The following FOXD1 variants were observed in gnomAD, a reference collection of about 807,000 sequenced individuals.
The protein encoded by FOXD1 is forkhead box protein D1.
A neutral mutation model predicts 2.0 loss-of-function variants in FOXD1; 4 were observed. The ratio of observed to expected loss-of-function variants is 2.03; its 90% CI spans 1.00 to 4.64. FOXD1 has a LOEUF of 4.64. FOXD1 is among the 30% of genes most tolerant of loss of function. FOXD1 has a pLI of 0.01. For synonymous variants in FOXD1, 354 were observed against 328.5 expected, an observed-to-expected ratio of 1.08 and a Z score of -0.84; for missense variants, 586 against 647.6, an observed-to-expected ratio of 0.90 and a Z score of 1.03.
rs1745533594 is a variant in FOXD1 at position 73,447,689 on chromosome 5, G to A, written c.674C>T (p.Pro225Leu). 2.5e-6 allele frequency: 4 copies of A among 1,603,090 alleles called. No homozygotes were observed. The South Asian group carries it at 3.3e-5, about 13-fold the overall frequency. Residue 225 changes from proline (P) to leucine (L), a missense_variant, in exon 1 of 1, where the codon CCG (proline) becomes CTG (leucine). By Grantham distance (98) the Pro-to-Leu change is moderately conservative (BLOSUM62 -3). Transcript: ENST00000615637. This position sits in a 1 kb window ranked among gnomAD's most constrained non-coding sequence, Gnocchi z 7.8. Reference sequence around the variant, plus strand: ...GGCCGCGGCGTTGGGTGGGAGCAGCGGCTGCCGCTTGAAGCGCTTCCTCCG... The same window carrying A: ...GGCCGCGGCGTTGGGTGGGAGCAGCAGCTGCCGCTTGAAGCGCTTCCTCCG... ...LRRRKRFKRQ[P>L]LLPPNAAAAE...
In FOXD1 at chr5:73,448,224, C is replaced by T; in HGVS notation, c.139G>A (p.Ala47Thr). 1 of 1,480,012 alleles carries T rather than the reference C, an allele frequency of 6.8e-7. No individual in the cohort carries two copies. The highest frequency in any genetic ancestry group is 2.9e-5 in the East Asian group (1 of 34,624). The allele number at this position is 1,480,012 out of a possible 1,614,324, so 91.7% of individuals were successfully genotyped here. A position where few individuals can be genotyped will look rare whatever the true frequency, so the allele number is the denominator to read the frequency against. ...DEGGGGGPRLAVPAQRRRRRR... is the reference protein window; with the variant it reads ...DEGGGGGPRLTVPAQRRRRRR... ...CGCCGCCGCCGCTGCGCGGGGACAG[C>T]CAGCCGGGGCCCGCCACCGCCGCCC... The change falls in exon 1 of 1, where the codon GCT becomes ACT. Residue 47 changes from alanine to threonine, a missense_variant. By Grantham distance (58) the Ala-to-Thr change is moderately conservative (BLOSUM62 0). Around this residue, in one of 4 missense-constraint regions of FOXD1, gnomAD observed 183 missense variants for 159.2 expected, o/e 1.15. Coordinates refer to ENST00000615637, the MANE Select transcript of FOXD1 (RefSeq NM_004472.3).
chr5:73,447,199 A>G lies in FOXD1; in HGVS notation c.1164T>C (p.Ala388=), dbSNP rs1347762372. The G allele has an allele frequency of 3.0e-6, 3 of 992,452 alleles. No homozygotes were observed. The highest frequency in any genetic ancestry group is 3.6e-6 in the Non-Finnish European group (3 of 838,736). The allele number at this position is 992,452 out of a possible 1,614,324, so 61.5% of individuals were successfully genotyped here. The part of the protein sequence containing the change: ...AAAAAQAAAA[A]QASPSPSPVA... Reference sequence around the variant, plus strand: ...CCGGCGAGGGCGAGGGCGAGGCCTGAGCGGCGGCGGCGGCCTGCGCGGCGG... The same window carrying G: ...CCGGCGAGGGCGAGGGCGAGGCCTGGGCGGCGGCGGCGGCCTGCGCGGCGG... The change falls in exon 1 of 1, where the codon GCT becomes GCC. Residue 388 remains alanine (A), a synonymous_variant. Coordinates refer to ENST00000615637, the MANE Select transcript of FOXD1 (RefSeq NM_004472.3). This position sits in a 1 kb window ranked among gnomAD's most constrained non-coding sequence, Gnocchi z 7.8.
Position 73,447,540 on chromosome 5 carries a change from C to G in FOXD1, c.823G>C (p.Gly275Arg), listed in dbSNP as rs1745528164. 9.6e-7 allele frequency: 1 copy of G among 1,036,492 alleles called. No homozygotes were observed. The highest frequency in any genetic ancestry group is 1.8e-5 in the African/African-American group (1 of 54,498). 64.2% of individuals were successfully genotyped at this position (1,036,492 alleles called of 1,614,324 possible). The part of the protein sequence containing the change: ...PPHAYGYGPY[G>R]CGYGLQLPPY... ...GGCAGCTGCAGGCCGTAGCCGCAGCCGTAGGGGCCGTAGCCGTAGGCATGC... is the reference window on the plus strand; with the variant it reads ...GGCAGCTGCAGGCCGTAGCCGCAGCGGTAGGGGCCGTAGCCGTAGGCATGC... The change falls in exon 1 of 1, where the codon GGC becomes CGC. Residue 275 changes from glycine to arginine, a missense_variant. By Grantham distance (125) the Gly-to-Arg change is moderately radical. This residue lies in a region of FOXD1 where 253 missense variants were observed against 234.4 expected (regional missense o/e 1.08). Transcript: ENST00000615637. This position sits in a 1 kb window ranked among gnomAD's most constrained non-coding sequence, Gnocchi z 7.8.
Position 73,448,056 on chromosome 5 carries a change from C to CG in FOXD1, c.306_307insC (p.Gly103ArgfsTer15). 6 of 1,223,220 alleles carry CG rather than the reference C, an allele frequency of 4.9e-6. No individual in the cohort carries two copies. In the South Asian group the frequency reaches 9.3e-5, roughly 19 times the overall value. The allele number at this position is 1,223,220 out of a possible 1,614,324, so 75.8% of individuals were successfully genotyped here. A position where few individuals can be genotyped will look rare whatever the true frequency, so the allele number is the denominator to read the frequency against. ...CCGCCCGCGCCGCCGCCGCCGCCGC[C>CG]CCCACCGGCTCCTGCCCCCGCCGCC... On this transcript the variant is annotated frameshift_variant, in exon 1 of 1. Transcript: ENST00000615637. LOFTEE classifies it low-confidence loss of function (END_TRUNC).
In FOXD1 at chr5:73,448,396, G is replaced by A; in HGVS notation, c.-34C>T. The A allele has an allele frequency of 8.5e-7, 1 of 1,171,334 alleles. No individual in the cohort carries two copies. Among genetic ancestry groups the A allele is most frequent in the Non-Finnish European group, 1.1e-6 (1 of 935,514 alleles). The allele number at this position is 1,171,334 out of a possible 1,614,324, so 72.6% of individuals were successfully genotyped here. A position where few individuals can be genotyped will look rare whatever the true frequency, so the allele number is the denominator to read the frequency against. ...CGCGGCGGCGGCGGGGCGGCGCATGGGGGCGCCGGGCTCCGGGCTCCCTCT... is the reference window on the plus strand; with the variant it reads ...CGCGGCGGCGGCGGGGCGGCGCATGAGGGCGCCGGGCTCCGGGCTCCCTCT... On this transcript the variant is annotated 5_prime_UTR_variant, in exon 1 of 1. Coordinates refer to ENST00000615637, the MANE Select transcript of FOXD1 (RefSeq NM_004472.3).
rs1211390820 is a variant in FOXD1 at position 73,447,132 on chromosome 5, C to G, written c.1231G>C (p.Ala411Pro). 2.5e-6 allele frequency: 3 copies of G among 1,201,986 alleles called. No homozygotes were observed. In the East Asian group the frequency reaches 1.1e-4, roughly 46 times the overall value. 74.5% of individuals were successfully genotyped at this position (1,201,986 alleles called of 1,614,324 possible). ...GCCGGGCCCACGGCCGCCTGCGCCGCGCAGCCTCCTCCGCTGGATCCGGGA... is the reference window on the plus strand; with the variant it reads ...GCCGGGCCCACGGCCGCCTGCGCCGGGCAGCCTCCTCCGCTGGATCCGGGA... ...PAPGSSGGGCAAQAAVGPAAA... is the reference protein window; with the variant it reads ...PAPGSSGGGCPAQAAVGPAAA... Residue 411 changes from alanine to proline, a missense_variant, in exon 1 of 1, where the codon GCG (alanine) becomes CCG (proline). Physicochemically the swap from Ala to Pro is conservative, Grantham distance 27. Coordinates refer to ENST00000615637, the MANE Select transcript of FOXD1 (RefSeq NM_004472.3). This position sits in a 1 kb window ranked among gnomAD's most constrained non-coding sequence, Gnocchi z 7.8.
Position 73,447,707 on chromosome 5 carries a change from T to A in FOXD1, c.656A>T (p.Lys219Met). 1 of 1,607,296 alleles carries A rather than the reference T, an allele frequency of 6.2e-7. No individual in the cohort carries two copies. Among genetic ancestry groups the A allele is most frequent in the Non-Finnish European group, 8.5e-7 (1 of 1,177,224 alleles). Residue 219 changes from lysine to methionine, a missense_variant, in exon 1 of 1, where the codon AAG becomes ATG. By Grantham distance (95) the Lys-to-Met change is moderately conservative. Coordinates refer to ENST00000615637, the MANE Select transcript of FOXD1 (RefSeq NM_004472.3). The surrounding 1 kb of genome is among the most constrained non-coding windows in gnomAD (Gnocchi z 7.8). ...GAGCAGCGGCTGCCGCTTGAAGCGC[T>A]TCCTCCGGCGCAGGAAGCTGCCGTT... Reference protein sequence around the residue: ...FDNGSFLRRRKRFKRQPLLPP... With the variant: ...FDNGSFLRRRMRFKRQPLLPP...
Position 73,448,269 on chromosome 5 carries a change from C to G in FOXD1, c.94G>C (p.Glu32Gln). 1 of 1,477,438 alleles carries G rather than the reference C, an allele frequency of 6.8e-7. No homozygotes were observed. The highest frequency in any genetic ancestry group is 9.0e-7 in the Non-Finnish European group (1 of 1,106,642). 91.5% of individuals were successfully genotyped at this position (1,477,438 alleles called of 1,614,324 possible). ...VGEGEDEEDE[E>Q]EEDDDEGGGG... ...CCGCCCTCGTCGTCGTCCTCCTCTT[C>G]CTCGTCTTCTTCGTCCTCGCCCTCC... Residue 32 changes from glutamate to glutamine, a missense_variant, in exon 1 of 1, where the codon GAA (glutamate) becomes CAA (glutamine). Physicochemically the swap from Glu to Gln is conservative, Grantham distance 29. This residue lies in a region of FOXD1 where 183 missense variants were observed against 159.2 expected (regional missense o/e 1.15). Coordinates refer to ENST00000615637, the MANE Select transcript of FOXD1 (RefSeq NM_004472.3).
Position 73,447,208 on chromosome 5 carries a change from GGCGGCCTGCGCGGCGGCGGCGGCA to G in FOXD1, c.1131_1154del (p.Ala381_Ala388del). 6 of 904,640 alleles carry G rather than the reference GGCGGCCTGCGCGGCGGCGGCGGCA, an allele frequency of 6.6e-6. No homozygotes were observed. The highest frequency in any genetic ancestry group is 7.9e-6 in the Non-Finnish European group (6 of 756,396). 56.0% of individuals were successfully genotyped at this position (904,640 alleles called of 1,614,324 possible). On this transcript the variant is annotated inframe_deletion, in exon 1 of 1. Coordinates refer to ENST00000615637, the MANE Select transcript of FOXD1 (RefSeq NM_004472.3). This position sits in a 1 kb window ranked among gnomAD's most constrained non-coding sequence, Gnocchi z 7.8. ...GCGAGGGCGAGGCCTGAGCGGCGGCGGCGGCCTGCGCGGCGGCGGCGGCAGCGGCGGCCGGGCCCAAGCTGCCCC... is the reference window on the plus strand; with the variant it reads ...GCGAGGGCGAGGCCTGAGCGGCGGCGGCGGCGGCCGGGCCCAAGCTGCCCC...
Position 73,447,675 on chromosome 5 carries a change from T to G in FOXD1, c.688A>C (p.Asn230His). The G allele has an allele frequency of 6.3e-7, 1 of 1,588,448 alleles. No homozygotes were observed. Among genetic ancestry groups the G allele is most frequent in the Non-Finnish European group, 8.6e-7 (1 of 1,168,702 alleles). ...RFKRQPLLPP[N>H]AAAAESLLLR... is the part of the protein sequence containing the mutation. ...AGCAGAGACTCGGCGGCCGCGGCGT[T>G]GGGTGGGAGCAGCGGCTGCCGCTTG... Residue 230 changes from asparagine (N) to histidine (H), a missense_variant, in exon 1 of 1, where the codon AAC (asparagine) becomes CAC (histidine). By Grantham distance (68) the Asn-to-His change is moderately conservative (BLOSUM62 1). Coordinates refer to ENST00000615637, the MANE Select transcript of FOXD1 (RefSeq NM_004472.3). This position sits in a 1 kb window ranked among gnomAD's most constrained non-coding sequence, Gnocchi z 7.8.
At position 73,447,452 on chromosome 5, in the gene FOXD1, A is replaced by G. The variant is rs1480536948; in HGVS notation, c.911T>C (p.Phe304Ser). 2 of 972,284 alleles carry G rather than the reference A, an allele frequency of 2.1e-6. No individual in the cohort carries two copies. The highest frequency in any genetic ancestry group is 2.4e-4 in the East Asian group (2 of 8,212). 60.2% of individuals were successfully genotyped at this position (972,284 alleles called of 1,614,324 possible). ...GGGCGGCGGGGGCGAGTGCGGGTGG[A>G]AGGCGGCGGCGGCGGCGGCGGCCGC... The part of the protein sequence containing the change: ...AAAAAAAAAA[F>S]HPHSPPPPPP... The change falls in exon 1 of 1, where the codon TTC becomes TCC. Residue 304 changes from phenylalanine (F) to serine (S), a missense_variant. By Grantham distance (155) the Phe-to-Ser change is radical. Transcript: ENST00000615637. This position sits in a 1 kb window ranked among gnomAD's most constrained non-coding sequence, Gnocchi z 7.8.
Position 73,448,128 on chromosome 5 carries a change from G to T in FOXD1, c.235C>A (p.Leu79Met). Reference sequence around the variant, plus strand: ...GGGGAGCCCCCAGCAGGCGGGGCCAGCAGGATGTCATCGTCGTCCTCCTCC... The same window carrying T: ...GGGGAGCCCCCAGCAGGCGGGGCCATCAGGATGTCATCGTCGTCCTCCTCC... ...EEEEDDDDIL[L>M]APPAGGSPAP... Residue 79 changes from leucine (L) to methionine (M), a missense_variant, in exon 1 of 1, where the codon CTG (leucine) becomes ATG (methionine). By Grantham distance (15) the Leu-to-Met change is conservative. This residue lies in a region of FOXD1 where 183 missense variants were observed against 159.2 expected (regional missense o/e 1.15). Coordinates refer to ENST00000615637, the MANE Select transcript of FOXD1 (RefSeq NM_004472.3). The T allele has an allele frequency of 7.4e-7, 1 of 1,350,264 alleles. No individual in the cohort carries two copies. Among genetic ancestry groups the T allele is most frequent in the Non-Finnish European group, 9.6e-7 (1 of 1,042,762 alleles). The allele number at this position is 1,350,264 out of a possible 1,614,324, so 83.6% of individuals were successfully genotyped here. A position where few individuals can be genotyped will look rare whatever the true frequency, so the allele number is the denominator to read the frequency against.
At position 73,447,610 on chromosome 5, in the gene FOXD1, C is replaced by T. The variant is rs1338061714; in HGVS notation, c.753G>A (p.Pro251=). 1.6e-6 allele frequency: 2 copies of T among 1,230,880 alleles called. No homozygotes were observed. The highest frequency in any genetic ancestry group is 2.0e-6 in the Non-Finnish European group (2 of 982,262). The allele number at this position is 1,230,880 out of a possible 1,614,324, so 76.2% of individuals were successfully genotyped here. A position where few individuals can be genotyped will look rare whatever the true frequency, so the allele number is the denominator to read the frequency against. Residue 251 remains proline (P), a synonymous_variant, in exon 1 of 1, where the codon CCG becomes CCA. Transcript: ENST00000615637. This position sits in a 1 kb window ranked among gnomAD's most constrained non-coding sequence, Gnocchi z 7.8. ...GCGGGAAGAGCGCGGCGGCGGCTGCCGGGTCGCCCGCGCCCCCTGCGGCTC... is the reference window on the plus strand; with the variant it reads ...GCGGGAAGAGCGCGGCGGCGGCTGCTGGGTCGCCCGCGCCCCCTGCGGCTC... ...GAGAAGGAGD[P]AAAAALFPPA... is the part of the protein sequence containing the mutation.
In FOXD1 at chr5:73,448,037, G is replaced by GCGCCGC. The variant is rs754134015; in HGVS notation, c.320_325dup (p.Gly107_Gly108dup). On this transcript the variant is annotated inframe_insertion, in exon 1 of 1. Transcript: ENST00000615637. ...GCTACCCGCGCTCCCGCCGCCGCCC[G>GCGCCGC]CGCCGCCGCCGCCGCCGCCCCCACC... 89 of 1,293,242 alleles carry GCGCCGC rather than the reference G, an allele frequency of 6.9e-5. No homozygotes were observed. The highest frequency in any genetic ancestry group is 8.6e-5 in the Non-Finnish European group (87 of 1,014,156). The allele number at this position is 1,293,242 out of a possible 1,614,324, so 80.1% of individuals were successfully genotyped here. A position where few individuals can be genotyped will look rare whatever the true frequency, so the allele number is the denominator to read the frequency against.
At position 73,448,416 on chromosome 5, in the gene FOXD1, C is replaced by G. The variant is rs1745554886; in HGVS notation, c.-54G>C. ...GCATGGGGGCGCCGGGCTCCGGGCT[C>G]CCTCTGCGCCCCAGCCCGGGTCCCG... On this transcript the variant is annotated 5_prime_UTR_variant, in exon 1 of 1. Transcript: ENST00000615637. 9.3e-7 allele frequency: 1 copy of G among 1,078,494 alleles called. No individual in the cohort carries two copies. Among genetic ancestry groups the G allele is most frequent in the South Asian group, 4.1e-5 (1 of 24,168 alleles). 66.8% of individuals were successfully genotyped at this position (1,078,494 alleles called of 1,614,324 possible). A position where few individuals can be genotyped will look rare whatever the true frequency, so the allele number is the denominator to read the frequency against.
At position 73,447,073 on chromosome 5, in the gene FOXD1, C is replaced by CGCG. The variant is rs1161024516; in HGVS notation, c.1287_1289dup (p.Ala434dup). 9.5e-5 allele frequency: 143 copies of CGCG among 1,510,742 alleles called. No homozygotes were observed. Among genetic ancestry groups the CGCG allele is most frequent in the African/African-American group, 1.4e-4 (10 of 69,034 alleles). 93.6% of individuals were successfully genotyped at this position (1,510,742 alleles called of 1,614,324 possible). On this transcript the variant is annotated inframe_insertion, in exon 1 of 1. Coordinates refer to ENST00000615637, the MANE Select transcript of FOXD1 (RefSeq NM_004472.3). This position sits in a 1 kb window ranked among gnomAD's most constrained non-coding sequence, Gnocchi z 7.8. ...AGGAGACTGAGGAGGCGGCGGCGGC[C>CGCG]GCGGCGGCCACGAGGGATCGGGTGA...
At position 73,446,782 on chromosome 5, in the gene FOXD1, C is replaced by T. The variant is rs1007488137; in HGVS notation, c.*183G>A. On this transcript the variant is annotated 3_prime_UTR_variant, in exon 1 of 1. Coordinates refer to ENST00000615637, the MANE Select transcript of FOXD1 (RefSeq NM_004472.3). Reference sequence around the variant, plus strand: ...TCGGCTTTGCATAAATAGAGGGACCCGCAGAGCCAAAAGGCGCGCCCGGGC... The same window carrying T: ...TCGGCTTTGCATAAATAGAGGGACCTGCAGAGCCAAAAGGCGCGCCCGGGC... 8.6e-5 allele frequency: 51 copies of T among 590,374 alleles called. No individual in the cohort carries two copies. The East Asian group carries it at 1.6e-3, about 19-fold the overall frequency. 36.6% of individuals were successfully genotyped at this position (590,374 alleles called of 1,614,324 possible).
chr5:73,447,643 G>C lies in FOXD1; in HGVS notation c.720C>G (p.Arg240=), dbSNP rs1416672344. The stretch of plus-strand genomic sequence containing the variant: ...CCGCGCCCCCTGCGGCTCCCGCGCC[G>C]CGCAGCAGCAGAGACTCGGCGGCCG... ...NAAAAESLLL[R]GAGAAGGAGD... is the part of the protein sequence containing the mutation. Residue 240 remains arginine, a synonymous_variant, in exon 1 of 1, where the codon CGC becomes CGG. Coordinates refer to ENST00000615637, the MANE Select transcript of FOXD1 (RefSeq NM_004472.3). This position sits in a 1 kb window ranked among gnomAD's most constrained non-coding sequence, Gnocchi z 7.8. 1.4e-6 allele frequency: 2 copies of C among 1,476,342 alleles called. No homozygotes were observed. 91.5% of individuals were successfully genotyped at this position (1,476,342 alleles called of 1,614,324 possible). A position where few individuals can be genotyped will look rare whatever the true frequency, so the allele number is the denominator to read the frequency against.
At position 73,448,693 on chromosome 5, in the gene FOXD1, G is replaced by A. The variant is rs1013970103; in HGVS notation, c.-331C>T. ...AGGAGGGGGTGGCGGGGCCCGGGCG[G>A]GCGAATCAGAACGCCAGGCGCCCAG... On this transcript the variant is annotated 5_prime_UTR_variant, in exon 1 of 1. Transcript: ENST00000615637. Among the ~76,000 whole-genome samples the A allele has an allele frequency of 6.6e-6, 1 of 151,904 alleles. No homozygotes were observed.
Sources: gnomAD v4.1 joint callset for allele counts (sites outside exome capture counted in the v4.1 genomes callset) on GRCh38, gnomAD v4.1.1 for gene constraint, gnomAD v4.1.1 regional missense constraint, Gnocchi (gnomAD v3.1) non-coding constraint, MANE v1.5 for transcripts, NCBI Gene and HGNC (gene_info 2026-07-23, HGNC 2026-07-21) for gene names.